Variants in PAFAH1B1 observed in about 807,000 individuals in gnomAD.
PAFAH1B1 encodes the protein platelet-activating factor acetylhydrolase IB subunit beta.
PAFAH1B1 carries 2 observed loss-of-function variants against 57.5 expected under a neutral mutation model. The observed-to-expected ratio is 0.03, with a 90% CI of 0.01 to 0.11. The LOEUF (loss-of-function observed/expected upper bound fraction) is 0.11. PAFAH1B1 is among the 10% of genes least tolerant of loss of function. The pLI is 1.00. For synonymous variants in PAFAH1B1, 152 were observed against 169.6 expected (o/e 0.90, Z 0.81); for missense variants, 257 against 512.0 (o/e 0.50, Z 4.81).
At chr17:2,665,226 C>T in intron 2 of PAFAH1B1, 146 bp from the exon 3 acceptor site, 2 of 637,440 alleles carry the variant, frequency 3.1e-6, no homozygotes, top group Non-Finnish European at 5.6e-6. Flanking sequence ...GCGGGGGTGT[C>T]CTTTTTAATG....
At chr17:2,605,699 G>A (rs775464656) in intron 1 of PAFAH1B1, among the ~76,000 whole-genome samples, 8 of 152,116 alleles carry the variant, frequency 5.3e-5, no homozygotes, top group Non-Finnish European at 1.2e-4. Flanking sequence ...CCACCTGGAA[G>A]AAACTTTCTT....
intron 1 of PAFAH1B1, among the ~76,000 whole-genome samples, chr17:2,625,325 A>G (rs1375610720): frequency 6.6e-6 from 1 of 152,250 alleles, no homozygotes; most frequent in Non-Finnish European, 1.5e-5. Flanking sequence ...ATATTGGAAT[A>G]CTGCCAAAAT....
chr17:2,621,539 C>G (rs1257315216), intron 1 of PAFAH1B1, among the ~76,000 whole-genome samples: 1 of 148,416 alleles, frequency 6.7e-6, no homozygotes, highest in Non-Finnish European at 1.5e-5. Context: ...ATTGCTGCAT[C>G]TGGAAAATAT....
intron 1 of PAFAH1B1, among the ~76,000 whole-genome samples, chr17:2,594,859 A>C (rs1449205123): frequency 1.3e-5 from 2 of 152,144 alleles, no homozygotes; most frequent in African/African-American, 4.8e-5. Flanking sequence ...AGCCTCCCAC[A>C]TGAGAAAATG....
intron 1 of PAFAH1B1, among the ~76,000 whole-genome samples, chr17:2,630,708 C>T (rs1009820184): frequency 1.3e-5 from 2 of 152,156 alleles, no homozygotes; most frequent in Admixed American, 6.5e-5. Flanking sequence ...ATGTTTTCCA[C>T]GCTTTTAGAG....
At chr17:2,670,025 T>A in intron 5 of PAFAH1B1, 138 bp from the exon 6 acceptor site, 1 of 767,338 alleles carries the variant, frequency 1.3e-6, no homozygotes. Context: ...TGAGATACAA[T>A]ATTTCTAAAA....
intron 1 of PAFAH1B1, among the ~76,000 whole-genome samples, chr17:2,599,876 A>C (rs189276840): frequency 2.6e-5 from 4 of 152,180 alleles, no homozygotes; most frequent in Admixed American, 2.6e-4. Context: ...AAAATTAAGA[A>C]TCTTTGAACA....
At chr17:2,624,626 C>G (rs1326273049) in intron 1 of PAFAH1B1, among the ~76,000 whole-genome samples, 1 of 152,130 alleles carries the variant, frequency 6.6e-6, no homozygotes, top group East Asian at 1.9e-4. Flanking sequence ...AAGACTGGCC[C>G]CGTGATTCAG....
intron 1 of PAFAH1B1, chr17:2,613,677 C>T (rs976765239): frequency 3.5e-5 from 10 of 284,690 alleles, no homozygotes; most frequent in African/African-American, 1.3e-4. Flanking sequence ...CGCCCCTCCG[C>T]GAAGCTGCAG....
chr17:2,619,086 C>T (rs2068385704), intron 1 of PAFAH1B1, among the ~76,000 whole-genome samples: 1 of 151,844 alleles, frequency 6.6e-6, no homozygotes, highest in African/African-American at 2.4e-5. Flanking sequence ...GAAAGCATGT[C>T]TCAAGTTCAT....
At chr17:2,631,651 C>T (rs1021142114) in intron 1 of PAFAH1B1, among the ~76,000 whole-genome samples, 1 of 152,152 alleles carries the variant, frequency 6.6e-6, no homozygotes, top group African/African-American at 2.4e-5. Context: ...AGAGGAGGGT[C>T]TTCCTTTCTC....
chr17:2,630,670 G>C (rs1292598432), intron 1 of PAFAH1B1, among the ~76,000 whole-genome samples: 2 of 152,116 alleles, frequency 1.3e-5, no homozygotes, highest in African/African-American at 4.8e-5. Flanking sequence ...GCAGGGCCGG[G>C]GGAGTTTCCT....
At chr17:2,610,077 G>GCTT in intron 1 of PAFAH1B1, among the ~76,000 whole-genome samples, 1 of 152,324 alleles carries the variant, frequency 6.6e-6, no homozygotes, top group Admixed American at 6.5e-5. Context: ...GCCCACCTCA[G>GCTT]CTTCCCAAAG....
At chr17:2,674,422 C>A (rs770747120) in intron 8 of PAFAH1B1, 134 bp downstream of exon 8, 1 of 712,016 alleles carries the variant, frequency 1.4e-6, no homozygotes, top group Non-Finnish European at 2.6e-6. Context: ...TCTTGAAATT[C>A]TCTACTCTTC....
intron 4 of PAFAH1B1, among the ~76,000 whole-genome samples, chr17:2,666,588 CAATA>C (rs917322961): frequency 6.6e-5 from 10 of 152,196 alleles, no homozygotes; most frequent in African/African-American, 2.2e-4. Flanking sequence ...AGTAGATGCT[CAATA>C]AATATTAGCT....
chr17:2,665,327 G>T (rs750891681), intron 2 of PAFAH1B1, 45 bp from the exon 3 acceptor site: 2 of 1,030,598 alleles, frequency 1.9e-6, no homozygotes, highest in South Asian at 2.5e-5. Context: ...CTTCAGAATA[G>T]AAATGAGGTC....
chr17:2,613,726 TG>T (rs915266874), intron 1 of PAFAH1B1: 3 of 297,536 alleles, frequency 1.0e-5, no homozygotes, highest in Non-Finnish European at 2.0e-5. Flanking sequence ...CCTCAAGGGC[TG>T]GGGCCTCCTC....
At chr17:2,665,272 A>C in intron 2 of PAFAH1B1, 100 bp from the exon 3 acceptor site, 2 of 745,738 alleles carry the variant, frequency 2.7e-6, no homozygotes, top group Non-Finnish European at 4.7e-6. Flanking sequence ...ATACTCTTGA[A>C]AAGAGTATCT....
intron 1 of PAFAH1B1, among the ~76,000 whole-genome samples, chr17:2,599,101 C>G (rs1228981932): frequency 6.6e-6 from 1 of 152,192 alleles, no homozygotes; most frequent in African/African-American, 2.4e-5. Context: ...ATGGTACTCT[C>G]TATTGTCTTT....
Sources: gnomAD v4.1 joint callset for allele counts (sites outside exome capture counted in the v4.1 genomes callset) on GRCh38, gnomAD v4.1.1 for gene constraint, MANE v1.5 for transcripts, NCBI Gene and HGNC (gene_info 2026-07-23, HGNC 2026-07-21) for gene names.